The following TMEM132C variants were observed in gnomAD, a reference collection of about 807,000 sequenced individuals.
TMEM132C encodes the protein transmembrane protein 132C.
In TMEM132C, 29 loss-of-function variants were observed where a neutral mutation model predicts 61.4. That is an observed-to-expected ratio of 0.47 (90% CI 0.35 to 0.64). The LOEUF (loss-of-function observed/expected upper bound fraction) is 0.64, where lower values mean the gene tolerates loss of function less well. Ranked by LOEUF, TMEM132C falls within the 30% of genes least tolerant of loss-of-function variation. The probability of loss-of-function intolerance (pLI) is 0.00; values close to 1 mark genes in which losing one functional copy is unlikely to be tolerated. For missense variants in TMEM132C, 1,408 were observed against 1,476.9 expected (o/e 0.95, Z 0.76); for synonymous variants, 656 against 633.1 (o/e 1.04, Z -0.54).
chr12:128,389,598 G>A (rs1874699185), intron 1 of TMEM132C, among the ~76,000 whole-genome samples: 1 of 152,170 alleles, frequency 6.6e-6, no homozygotes, highest in Non-Finnish European at 1.5e-5. Flanking sequence ...CAGCCAATGT[G>A]TTGATCATGG....
chr12:128,585,637 TG>T, intron 3 of TMEM132C, among the ~76,000 whole-genome samples: 1 of 152,318 alleles, frequency 6.6e-6, no homozygotes, highest in East Asian at 1.9e-4. Context: ...GTGTACCCAA[TG>T]ATCTGGAACA....
At position 128,490,385 on chromosome 12, in the gene TMEM132C, G is replaced by A. The variant is rs140670069; in HGVS notation, c.975-53572G>A. Among the ~76,000 whole-genome samples, 1,103 of 152,236 alleles carry A rather than the reference G, an allele frequency of 7.2e-3. 10 individuals are homozygous for A. Among genetic ancestry groups the A allele is most frequent in the African/African-American group, 0.026 (1,060 of 41,536 alleles). Reference sequence around the variant, plus strand: ...CTGGAAGAGATCACCTGGCCACCACGATGGCTCCCAGACAATGTGAAGCAA... The same window carrying A: ...CTGGAAGAGATCACCTGGCCACCACAATGGCTCCCAGACAATGTGAAGCAA... On this transcript the variant is annotated intron_variant, in intron 2 of 8. Transcript: ENST00000435159.
Position 128,705,719 on chromosome 12 carries a change from G to T in TMEM132C, c.2751G>T (p.Pro917=), listed in dbSNP as rs557288550. 6.4e-7 allele frequency: 1 copy of T among 1,551,464 alleles called. No individual in the cohort carries two copies. Among genetic ancestry groups the T allele is most frequent in the Non-Finnish European group, 8.7e-7 (1 of 1,146,976 alleles). Residue 917 remains proline (P), a synonymous_variant, in exon 9 of 9, where the codon CCG becomes CCT. Transcript: ENST00000435159. ...GLEENDLVQT[P]RGLSDLEIGM... is the part of the protein sequence containing the mutation. ...AGGAAAACGACCTGGTGCAGACTCCGCGGGGCCTGAGTGATCTGGAGATAG... is the reference window on the plus strand; with the variant it reads ...AGGAAAACGACCTGGTGCAGACTCCTCGGGGCCTGAGTGATCTGGAGATAG...
intron 2 of TMEM132C, among the ~76,000 whole-genome samples, chr12:128,510,545 T>C (rs1244173485): frequency 6.6e-6 from 1 of 152,140 alleles, no homozygotes; most frequent in Non-Finnish European, 1.5e-5. Flanking sequence ...ATTTTGTAAA[T>C]TCTGGTAGCC....
At chr12:128,571,486 C>T (rs1874881364) in intron 3 of TMEM132C, among the ~76,000 whole-genome samples, 1 of 152,212 alleles carries the variant, frequency 6.6e-6, no homozygotes, top group African/African-American at 2.4e-5. Context: ...GCAACCATCA[C>T]CACCATCCAC....
chr12:128,475,166 G>A (rs1871115631), intron 2 of TMEM132C, among the ~76,000 whole-genome samples: 1 of 152,132 alleles, frequency 6.6e-6, no homozygotes, highest in African/African-American at 2.4e-5. Context: ...AGCAGGTGGG[G>A]AGGTCAGGTT....
intron 3 of TMEM132C, among the ~76,000 whole-genome samples, chr12:128,550,227 T>C (rs1046396215): frequency 2.6e-5 from 4 of 152,038 alleles, no homozygotes; most frequent in Admixed American, 6.6e-5. Context: ...GGCTTGCAGT[T>C]CGCCACCCTC....
At chr12:128,322,947 C>A (rs1264143406) in intron 1 of TMEM132C, among the ~76,000 whole-genome samples, 2 of 152,154 alleles carry the variant, frequency 1.3e-5, no homozygotes, top group Non-Finnish European at 2.9e-5. Flanking sequence ...AGGCAGAACC[C>A]ATGCATTCAT....
chr12:128,702,106 G>T (rs1315675702), intron 8 of TMEM132C, among the ~76,000 whole-genome samples: 1 of 151,862 alleles, frequency 6.6e-6, no homozygotes, highest in Non-Finnish European at 1.5e-5. Context: ...CCTCATGTTG[G>T]CCAGGCTGGT....
At chr12:128,488,956 G>A (rs1871605275) in intron 2 of TMEM132C, among the ~76,000 whole-genome samples, 1 of 152,092 alleles carries the variant, frequency 6.6e-6, no homozygotes. Flanking sequence ...GATAAAGGTT[G>A]CGATTCTTCA....
chr12:128,602,195 G>A (rs1021111479), intron 3 of TMEM132C, among the ~76,000 whole-genome samples: 6 of 152,190 alleles, frequency 3.9e-5, no homozygotes, highest in African/African-American at 1.4e-4. Flanking sequence ...GACAGAGCAA[G>A]ACCGTGTCTC....
chr12:128,585,916 A>G (rs1875528302), intron 3 of TMEM132C, among the ~76,000 whole-genome samples: 1 of 152,136 alleles, frequency 6.6e-6, no homozygotes, highest in African/African-American at 2.4e-5. Flanking sequence ...TTCGTGTGTA[A>G]TGGGGACAGA....
intron 4 of TMEM132C, among the ~76,000 whole-genome samples, chr12:128,639,787 A>G (rs945604064): frequency 2.6e-5 from 4 of 152,146 alleles, no homozygotes; most frequent in Non-Finnish European, 5.9e-5. Flanking sequence ...TCTGGGAAAA[A>G]CAAGATGAAT....
chr12:128,613,922 A>G (rs1272968118), intron 3 of TMEM132C, among the ~76,000 whole-genome samples: 1 of 152,232 alleles, frequency 6.6e-6, no homozygotes. Context: ...TTCTTTCTTG[A>G]TATGCCATGG....
At chr12:128,575,668 C>T (rs770618105) in intron 3 of TMEM132C, among the ~76,000 whole-genome samples, 21 of 152,146 alleles carry the variant, frequency 1.4e-4, no homozygotes, top group Admixed American at 8.5e-4. Context: ...GCAACAATTG[C>T]CCCTCCACTG....
In TMEM132C at chr12:128,285,322, A is replaced by G. The variant is rs534093897; in HGVS notation, c.85+17835A>G. On this transcript the variant is annotated intron_variant, in intron 1 of 8. Coordinates refer to ENST00000435159, the MANE Select transcript of TMEM132C (RefSeq NM_001136103.3). ...TTACACATTTTGTACATTTATCAGA[A>G]TATCATATTGTACCCCATGCATATG... Among the ~76,000 whole-genome samples the G allele has an allele frequency of 1.3e-4, 20 of 152,336 alleles. No homozygotes were observed. In the South Asian group the frequency reaches 4.1e-3, roughly 32 times the overall value.
chr12:128,333,142 G>C (rs1872703186), intron 1 of TMEM132C, among the ~76,000 whole-genome samples: 1 of 151,840 alleles, frequency 6.6e-6, no homozygotes, highest in East Asian at 1.9e-4. Context: ...ATGTGTATGT[G>C]TGTGCATGTA....
At chr12:128,587,819 A>G (rs1156647297) in intron 3 of TMEM132C, among the ~76,000 whole-genome samples, 4 of 152,200 alleles carry the variant, frequency 2.6e-5, no homozygotes, top group East Asian at 3.8e-4. Context: ...AAGTTTGAGG[A>G]AAAAAAGTGA....
At chr12:128,429,501 C>G (rs1275880259) in intron 2 of TMEM132C, among the ~76,000 whole-genome samples, 1 of 152,156 alleles carries the variant, frequency 6.6e-6, no homozygotes, top group Non-Finnish European at 1.5e-5. Flanking sequence ...GAGCTCTCTG[C>G]TGGGAACCTG....
Sources: gnomAD v4.1 joint callset for allele counts (sites outside exome capture counted in the v4.1 genomes callset) on GRCh38, gnomAD v4.1.1 for gene constraint, MANE v1.5 for transcripts, NCBI Gene and HGNC (gene_info 2026-07-23, HGNC 2026-07-21) for gene names.